The following EOMES variants were observed in gnomAD, a reference collection of about 807,000 sequenced individuals.
EOMES encodes the protein eomesodermin.
Under a neutral mutation model 61.0 loss-of-function variants are expected in EOMES, and 18 were observed. That is an observed-to-expected ratio of 0.30 (90% CI 0.20 to 0.44). EOMES has a LOEUF of 0.44. EOMES is among the 20% of genes least tolerant of loss of function. EOMES has a pLI of 1.00. For synonymous variants in EOMES, 430 were observed against 394.0 expected, an observed-to-expected ratio of 1.09 and a Z score of -1.08; for missense variants, 885 against 939.2, an observed-to-expected ratio of 0.94 and a Z score of 0.75.
chr3:27,720,181 A>G lies in EOMES; in HGVS notation c.1026T>C (p.Asn342=). 1.9e-6 allele frequency: 3 copies of G among 1,592,586 alleles called. No homozygotes were observed. Among genetic ancestry groups the G allele is most frequent in the Non-Finnish European group, 2.6e-6 (3 of 1,170,024 alleles). The part of the protein sequence containing the change: ...GKWVTCGKAD[N]NMQGNKMYVH... The stretch of plus-strand genomic sequence containing the variant: ...CTCTTCTCTGCTCACCCTGCATGTT[A>G]TTGTCGGCTTTGCCACAGGTCACCC... The change falls in exon 2 of 6, where the codon AAT becomes AAC. Residue 342 remains asparagine, a synonymous_variant. Transcript: ENST00000449599.
chr3:27,722,649 C>A (rs1019659193), upstream of EOMES: 19 of 1,060,924 alleles, frequency 1.8e-5, no homozygotes, highest in Non-Finnish European at 1.4e-5. Context: ...CATCCACCCA[C>A]TAGCCCGCGC....
At chr3:27,722,439 C>T (rs995440116), upstream of EOMES, 2 of 1,368,216 alleles carry the variant, frequency 1.5e-6, no homozygotes, top group African/African-American at 3.1e-5. Flanking sequence ...CCTGCCGACT[C>T]GCGGGCCGCT....
At position 27,717,831 on chromosome 3, in the gene EOMES, T is replaced by TAAAAAA; in HGVS notation, c.1380-29_1380-24dup. Reference sequence around the variant, plus strand: ...ATGCTACAATATAAAGAGAAACACTTAAAAAAAAAAAAAAACCCTAATGTT... The same window carrying TAAAAAA: ...ATGCTACAATATAAAGAGAAACACTTAAAAAAAAAAAAAAAAAAAAACCCTAATGTT... On this transcript the variant is annotated intron_variant, in intron 5 of 5. Transcript: ENST00000449599. This position sits in a 1 kb window ranked among gnomAD's most constrained non-coding sequence, Gnocchi z 4.5. 8.7e-7 allele frequency: 1 copy of TAAAAAA among 1,153,704 alleles called. No individual in the cohort carries two copies. The highest frequency in any genetic ancestry group is 1.1e-6 in the Non-Finnish European group (1 of 870,336). The allele number at this position is 1,153,704 out of a possible 1,614,324, so 71.5% of individuals were successfully genotyped here.
Position 27,722,187 on chromosome 3 carries a change from G to C in EOMES, c.108C>G (p.Leu36=). 6.3e-7 allele frequency: 1 copy of C among 1,599,166 alleles called. No homozygotes were observed. The highest frequency in any genetic ancestry group is 8.5e-7 in the Non-Finnish European group (1 of 1,174,374). Reference sequence around the variant, plus strand: ...TCTGAGGAGAGGGGGCCGCGCTGGGGAGGTGGCCAGCGCTCCCGCCGCTGC... The same window carrying C: ...TCTGAGGAGAGGGGGCCGCGCTGGGCAGGTGGCCAGCGCTCCCGCCGCTGC... ...RGGSGGSAGH[L]PSAAPSPQKL... is the part of the protein sequence containing the mutation. The change falls in exon 1 of 6, where the codon CTC becomes CTG. Residue 36 remains leucine, a synonymous_variant. Transcript: ENST00000449599.
rs977556165 is a variant in EOMES, at chr3:27,716,021, G to A, written c.*1049C>T. 2 of 152,150 alleles carry A rather than the reference G, an allele frequency of 1.3e-5. No individual in the cohort carries two copies. Among genetic ancestry groups the A allele is most frequent in the East Asian group, 1.9e-4 (1 of 5,184 alleles). The allele number at this position is 152,150 out of a possible 1,614,324, so 9.4% of individuals were successfully genotyped here. On this transcript the variant is annotated 3_prime_UTR_variant, in exon 6 of 6. Transcript: ENST00000449599. The stretch of plus-strand genomic sequence containing the variant: ...CATAAAAATCCAAGATCTCTAAAAT[G>A]CCTATAGGAGCTGTGGTATCAGGTT...
upstream of EOMES, chr3:27,722,373 G>A (rs1284903570): frequency 1.4e-6 from 2 of 1,385,628 alleles, no homozygotes; most frequent in Non-Finnish European, 9.3e-7. Context: ...GGGGGAGCCA[G>A]CGCCCTCTTC....
chr3:27,721,585 G>A lies in EOMES; in HGVS notation c.710C>T (p.Ala237Val), dbSNP rs1349559172. ...TCCAGGGTACGGCCCGTAGAGCGGA[G>A]CCCCCTGGCTGTACTGATAGGTGCC... ...GPGTYQYSQG[A>V]PLYGPYPGAA... Residue 237 changes from alanine to valine, a missense_variant, in exon 1 of 6, where the codon GCT becomes GTT. Ala to Val is a moderately conservative substitution (Grantham distance 64). Coordinates refer to ENST00000449599, the MANE Select transcript of EOMES (RefSeq NM_001278182.2). This position sits in a 1 kb window ranked among gnomAD's most constrained non-coding sequence, Gnocchi z 7.4. 4 of 1,577,338 alleles carry A rather than the reference G, an allele frequency of 2.5e-6. No individual in the cohort carries two copies. In the African/African-American group the frequency reaches 5.4e-5, roughly 21 times the overall value.
At position 27,717,848 on chromosome 3, in the gene EOMES, C is replaced by A. The variant is rs760938310; in HGVS notation, c.1380-40G>T. On this transcript the variant is annotated intron_variant, in intron 5 of 5. Coordinates refer to ENST00000449599, the MANE Select transcript of EOMES (RefSeq NM_001278182.2). The surrounding 1 kb of genome is among the most constrained non-coding windows in gnomAD (Gnocchi z 4.5). Reference sequence around the variant, plus strand: ...GAAACACTTAAAAAAAAAAAAAAACCCTAATGTTGTCCCCAAACAAACCAC... The same window carrying A: ...GAAACACTTAAAAAAAAAAAAAAACACTAATGTTGTCCCCAAACAAACCAC... 8 of 1,105,564 alleles carry A rather than the reference C, an allele frequency of 7.2e-6. No homozygotes were observed. The highest frequency in any genetic ancestry group is 1.7e-5 in the South Asian group (1 of 58,420). 68.5% of individuals were successfully genotyped at this position (1,105,564 alleles called of 1,614,324 possible).
chr3:27,717,380 T>G lies in EOMES; in HGVS notation c.1808A>C (p.Lys603Thr). Residue 603 changes from lysine (K) to threonine (T), a missense_variant, in exon 6 of 6, where the codon AAG (lysine) becomes ACG (threonine). Lys to Thr is a moderately conservative substitution (Grantham distance 78). Transcript: ENST00000449599. This position sits in a 1 kb window ranked among gnomAD's most constrained non-coding sequence, Gnocchi z 4.5. ...GWGGRGSYQR[K>T]MAAGLPWTSR... is the part of the protein sequence containing the mutation. ...GGTCCATGGTAGTCCAGCTGCCATC[T>G]TCCTCTGGTAAGAACCTCGACCTCC... 6.2e-7 allele frequency: 1 copy of G among 1,614,188 alleles called. No homozygotes were observed. Among genetic ancestry groups the G allele is most frequent in the Non-Finnish European group, 8.5e-7 (1 of 1,179,994 alleles).
chr3:27,718,984 T>C (rs2060590193), intron 3 of EOMES, 91 bp from the exon 4 acceptor site: 5 of 981,384 alleles, frequency 5.1e-6, no homozygotes, highest in Non-Finnish European at 7.4e-6. Context: ...TATTTTGGTA[T>C]TGGACTTCTA....
chr3:27,722,418 G>A, upstream of EOMES: 4 of 1,367,424 alleles, frequency 2.9e-6, no homozygotes, highest in Non-Finnish European at 3.7e-6. Context: ...CTCCCGCGCC[G>A]GGGCTACCCA....
At chr3:27,722,625 T>C (rs2060625823), upstream of EOMES, 2 of 1,115,034 alleles carry the variant, frequency 1.8e-6, no homozygotes, top group Non-Finnish European at 2.2e-6. Context: ...GAAGGTGACT[T>C]AGATCTTTGT....
chr3:27,718,115 G>T (rs886605804), intron 5 of EOMES, among the ~76,000 whole-genome samples: 1 of 152,080 alleles, frequency 6.6e-6, no homozygotes, highest in African/African-American at 2.4e-5. Flanking sequence ...CTTTGTCAAT[G>T]TGATGGAAAA....
In EOMES at chr3:27,721,943, C is replaced by G; in HGVS notation, c.352G>C (p.Ala118Pro). Residue 118 changes from alanine (A) to proline (P), a missense_variant, in exon 1 of 6, where the codon GCT (alanine) becomes CCT (proline). This residue lies in a region of EOMES where 449 missense variants were observed against 383.6 expected (regional missense o/e 1.17). Coordinates refer to ENST00000449599, the MANE Select transcript of EOMES (RefSeq NM_001278182.2). The surrounding 1 kb of genome is among the most constrained non-coding windows in gnomAD (Gnocchi z 7.4). ...PCGEEELPSA[A>P]AAAAAAAAAA... ...GCGGCGGCGGCGGCGGCGGCTGCAG[C>G]GGCGGAGGGCAGCTCCTCCTCCCCG... is the stretch of plus-strand genomic sequence containing the variant. 3.6e-6 allele frequency: 5 copies of G among 1,387,252 alleles called. No individual in the cohort carries two copies. Among genetic ancestry groups the G allele is most frequent in the Non-Finnish European group, 4.6e-6 (5 of 1,080,712 alleles). 85.9% of individuals were successfully genotyped at this position (1,387,252 alleles called of 1,614,324 possible). A position where few individuals can be genotyped will look rare whatever the true frequency, so the allele number is the denominator to read the frequency against.
Position 27,716,867 on chromosome 3 carries a change from A to AT in EOMES, c.*202dup, listed in dbSNP as rs1241801937. Reference sequence around the variant, plus strand: ...TACCTTAAAGTCTTCCATTAATCTTATTTTTTAAAAATGCTAGGTTTGTTT... The same window carrying AT: ...TACCTTAAAGTCTTCCATTAATCTTATTTTTTTAAAAATGCTAGGTTTGTTT... On this transcript the variant is annotated 3_prime_UTR_variant, in exon 6 of 6. Coordinates refer to ENST00000449599, the MANE Select transcript of EOMES (RefSeq NM_001278182.2). 1.8e-6 allele frequency: 1 copy of AT among 553,852 alleles called. No individual in the cohort carries two copies. The highest frequency in any genetic ancestry group is 1.9e-5 in the African/African-American group (1 of 53,446). The allele number at this position is 553,852 out of a possible 1,614,324, so 34.3% of individuals were successfully genotyped here. A position where few individuals can be genotyped will look rare whatever the true frequency, so the allele number is the denominator to read the frequency against.
chr3:27,720,043 T>G, intron 2 of EOMES, 128 bp downstream of exon 2: 1 of 861,912 alleles, frequency 1.2e-6, no homozygotes, highest in East Asian at 2.5e-5. Flanking sequence ...ACACTCATAC[T>G]AACACCTCTA....
Position 27,721,445 on chromosome 3 carries a change from G to C in EOMES, c.850C>G (p.Gln284Glu), listed in dbSNP as rs760136916. The part of the protein sequence containing the change: ...RPLWLKFHRH[Q>E]TEMIITKQGR... ...TGTTTCGTAATGATCATCTCAGTTT[G>C]GTGGCGGTGGAATTTGAGCCACAGA... is the stretch of plus-strand genomic sequence containing the variant. The change falls in exon 1 of 6, where the codon CAA becomes GAA. Residue 284 changes from glutamine (Q) to glutamate (E), a missense_variant. Coordinates refer to ENST00000449599, the MANE Select transcript of EOMES (RefSeq NM_001278182.2). The surrounding 1 kb of genome is among the most constrained non-coding windows in gnomAD (Gnocchi z 7.4). 1.1e-5 allele frequency: 17 copies of C among 1,613,346 alleles called. No homozygotes were observed. Among genetic ancestry groups the C allele is most frequent in the Non-Finnish European group, 1.4e-5 (16 of 1,179,874 alleles).
In EOMES at chr3:27,719,565, A is replaced by G; in HGVS notation, c.1037-84T>C. ...GAAAGCGGAGGGATGTCTCTTAGCTATGAGCAAGATATAAGAGCTAGACTT... is the reference window on the plus strand; with the variant it reads ...GAAAGCGGAGGGATGTCTCTTAGCTGTGAGCAAGATATAAGAGCTAGACTT... On this transcript the variant is annotated intron_variant, in intron 2 of 5. Transcript: ENST00000449599. 4.0e-6 allele frequency: 5 copies of G among 1,261,576 alleles called. No homozygotes were observed. In the African/African-American group the frequency reaches 6.0e-5, roughly 15 times the overall value. 78.1% of individuals were successfully genotyped at this position (1,261,576 alleles called of 1,614,324 possible). A position where few individuals can be genotyped will look rare whatever the true frequency, so the allele number is the denominator to read the frequency against.
rs1021724519 is a variant in EOMES, at chr3:27,716,320, TACC to T, written c.*747_*749del. On this transcript the variant is annotated 3_prime_UTR_variant, in exon 6 of 6. Coordinates refer to ENST00000449599, the MANE Select transcript of EOMES (RefSeq NM_001278182.2). ...CTATGTAGACTATTTGTACAATATA[TACC>T]ACATTATTCTATAGTGTATCTAAAC... 4 of 151,760 alleles carry T rather than the reference TACC, an allele frequency of 2.6e-5. No homozygotes were observed. Among genetic ancestry groups the T allele is most frequent in the Non-Finnish European group, 2.9e-5 (2 of 67,998 alleles). 9.4% of individuals were successfully genotyped at this position (151,760 alleles called of 1,614,324 possible). A position where few individuals can be genotyped will look rare whatever the true frequency, so the allele number is the denominator to read the frequency against.
Sources: gnomAD v4.1 joint callset for allele counts (sites outside exome capture counted in the v4.1 genomes callset) on GRCh38, gnomAD v4.1.1 for gene constraint, gnomAD v4.1.1 regional missense constraint, Gnocchi (gnomAD v3.1) non-coding constraint, MANE v1.5 for transcripts, NCBI Gene and HGNC (gene_info 2026-07-23, HGNC 2026-07-21) for gene names.